The following PLPP4 variants were observed in gnomAD, a reference collection of about 807,000 sequenced individuals.
PLPP4 encodes the protein diacylglycerol pyrophosphate like 2.
A neutral mutation model predicts 32.2 loss-of-function variants in PLPP4; 20 were observed. The observed-to-expected ratio is 0.62, with a 90% confidence interval of 0.44 to 0.90. The LOEUF is 0.90. PLPP4 is among the 40% of genes least tolerant of loss of function. The probability of loss-of-function intolerance (pLI) is 0.00; values close to 1 mark genes in which losing one functional copy is unlikely to be tolerated. For synonymous variants in PLPP4, 127 were observed against 133.0 expected (o/e 0.95, Z 0.31); for missense variants, 257 against 353.1 (o/e 0.73, Z 2.18).
chr10:120,487,571 A>G (rs1844518070), intron 1 of PLPP4, among the ~76,000 whole-genome samples: 1 of 152,194 alleles, frequency 6.6e-6, no homozygotes, highest in Admixed American at 6.5e-5. Flanking sequence ...CTTGACCTTT[A>G]AATCAGTTTT....
intron 6 of PLPP4, among the ~76,000 whole-genome samples, chr10:120,576,610 G>T (rs957596657): frequency 6.6e-6 from 1 of 152,224 alleles, no homozygotes; most frequent in African/African-American, 2.4e-5. Flanking sequence ...GGAGCTTTGG[G>T]CTGGAGGATG....
In PLPP4 at chr10:120,486,255, C is replaced by A. The variant is rs544529641; in HGVS notation, c.57-17563C>A. 7.9e-3 allele frequency among the ~76,000 whole-genome samples: 924 copies of A among 117,358 alleles called. 10 individuals carry two copies. Among genetic ancestry groups the A allele is most frequent in the African/African-American group, 0.029 (875 of 30,444 alleles). The allele number at this position is 117,358 out of a possible 152,430, so 77.0% of individuals were successfully genotyped here. ...TCTGTGAGAGGCTTTCCTCCCATTTCATTTAAGTTTTTTTTTTTTTCCTCC... is the reference window on the plus strand; with the variant it reads ...TCTGTGAGAGGCTTTCCTCCCATTTAATTTAAGTTTTTTTTTTTTTCCTCC... On this transcript the variant is annotated intron_variant, in intron 1 of 6. Coordinates refer to ENST00000398250, the MANE Select transcript of PLPP4 (RefSeq NM_001030059.3).
chr10:120,585,344 C>T (rs999657983), intron 6 of PLPP4, among the ~76,000 whole-genome samples: 8 of 152,112 alleles, frequency 5.3e-5, no homozygotes, highest in East Asian at 3.9e-4. Flanking sequence ...GGGTGACAAA[C>T]GTGTTTTTAA....
At chr10:120,514,085 A>G (rs967704195) in intron 3 of PLPP4, 84 bp downstream of exon 3, 1 of 1,053,136 alleles carries the variant, frequency 9.5e-7, no homozygotes, top group Admixed American at 1.8e-5. Flanking sequence ...GTTACACCCA[A>G]CTGATTTTTT....
chr10:120,499,697 A>T (rs956624087), intron 1 of PLPP4, among the ~76,000 whole-genome samples: 1 of 152,092 alleles, frequency 6.6e-6, no homozygotes, highest in Non-Finnish European at 1.5e-5. Context: ...TCTTTTCTGA[A>T]CCTGCTGTCT....
At chr10:120,550,574 A>G (rs956579918) in intron 5 of PLPP4, among the ~76,000 whole-genome samples, 1 of 151,956 alleles carries the variant, frequency 6.6e-6, no homozygotes, top group Non-Finnish European at 1.5e-5. Context: ...TTAAGGACAG[A>G]TAAATAGATC....
At chr10:120,499,300 T>TC (rs763723349) in intron 1 of PLPP4, among the ~76,000 whole-genome samples, 3 of 152,116 alleles carry the variant, frequency 2.0e-5, no homozygotes, top group Non-Finnish European at 4.4e-5. Flanking sequence ...TATTTTTTTC[T>TC]CCCCCATGAC....
At chr10:120,537,165 A>T (rs556164884) in intron 5 of PLPP4, among the ~76,000 whole-genome samples, 14 of 152,228 alleles carry the variant, frequency 9.2e-5, no homozygotes, top group Non-Finnish European at 1.9e-4. Flanking sequence ...TAACTACCGT[A>T]TGATCAAGCA....
chr10:120,543,785 G>A (rs890904111), intron 5 of PLPP4, among the ~76,000 whole-genome samples: 1 of 152,108 alleles, frequency 6.6e-6, no homozygotes, highest in Non-Finnish European at 1.5e-5. Flanking sequence ...CCTTCGCCAA[G>A]CCCCTGGCAA....
intron 5 of PLPP4, among the ~76,000 whole-genome samples, chr10:120,565,948 G>A (rs989882765): frequency 6.6e-6 from 1 of 151,850 alleles, no homozygotes; most frequent in South Asian, 2.1e-4. Context: ...CTCTACTTAG[G>A]TTTGTTTTAC....
intron 1 of PLPP4, among the ~76,000 whole-genome samples, chr10:120,499,697 A>G (rs956624087): frequency 6.6e-6 from 1 of 152,092 alleles, no homozygotes; most frequent in African/African-American, 2.4e-5. Flanking sequence ...TCTTTTCTGA[A>G]CCTGCTGTCT....
At chr10:120,580,154 G>A (rs773004113) in intron 6 of PLPP4, among the ~76,000 whole-genome samples, 41 of 151,340 alleles carry the variant, frequency 2.7e-4, no homozygotes, top group Non-Finnish European at 4.0e-4. Context: ...AGAAAGAATG[G>A]AGAAGTGGGA....
intron 2 of PLPP4, among the ~76,000 whole-genome samples, chr10:120,512,976 T>G (rs1450490350): frequency 1.3e-5 from 2 of 152,166 alleles, no homozygotes; most frequent in Non-Finnish European, 2.9e-5. Flanking sequence ...CTCCCACCAC[T>G]GACTGCTAGG....
rs146509375 is a variant in PLPP4, at chr10:120,541,244, A to G, written c.445+20149A>G. Reference sequence around the variant, plus strand: ...CTTAGTAATAATGCAATATTGGGCAAATTGCTTCACTTTTTGCCTCAGTTT... The same window carrying G: ...CTTAGTAATAATGCAATATTGGGCAGATTGCTTCACTTTTTGCCTCAGTTT... On this transcript the variant is annotated intron_variant, in intron 5 of 6. Coordinates refer to ENST00000398250, the MANE Select transcript of PLPP4 (RefSeq NM_001030059.3). 1.3e-4 allele frequency among the ~76,000 whole-genome samples: 20 copies of G among 152,270 alleles called. No individual in the cohort carries two copies. The East Asian group carries it at 3.5e-3, about 26-fold the overall frequency.
At chr10:120,463,154 G>A (rs1243520162) in intron 1 of PLPP4, among the ~76,000 whole-genome samples, 1 of 150,332 alleles carries the variant, frequency 6.7e-6, no homozygotes, top group Non-Finnish European at 1.5e-5. Flanking sequence ...CAGCCTCCCA[G>A]TAGCTGGGAC....
At chr10:120,505,128 T>C (rs1845435484) in intron 2 of PLPP4, among the ~76,000 whole-genome samples, 1 of 152,244 alleles carries the variant, frequency 6.6e-6, no homozygotes, top group South Asian at 2.1e-4. Flanking sequence ...ATGTCATTAT[T>C]GTCCACATTT....
intron 6 of PLPP4, among the ~76,000 whole-genome samples, chr10:120,578,994 G>C (rs2134065521): frequency 1.3e-5 from 2 of 152,086 alleles, no homozygotes; most frequent in South Asian, 4.2e-4. Flanking sequence ...TGCAGAGAAA[G>C]AGCAGAGCAT....
intron 6 of PLPP4, among the ~76,000 whole-genome samples, chr10:120,580,511 G>T (rs184360947): frequency 6.6e-6 from 1 of 152,092 alleles, no homozygotes; most frequent in East Asian, 1.9e-4. Context: ...TTACCACAGG[G>T]GTCTCATTTC....
intron 1 of PLPP4, among the ~76,000 whole-genome samples, chr10:120,498,592 T>G (rs186876874): frequency 6.6e-6 from 1 of 152,164 alleles, no homozygotes; most frequent in African/African-American, 2.4e-5. Flanking sequence ...AGTGGTATTA[T>G]CCACATGATT....
Sources: gnomAD v4.1 joint callset for allele counts (sites outside exome capture counted in the v4.1 genomes callset) on GRCh38, gnomAD v4.1.1 for gene constraint, MANE v1.5 for transcripts, NCBI Gene and HGNC (gene_info 2026-07-23, HGNC 2026-07-21) for gene names.